GAP43: variants seen among roughly 807,000 people sequenced by gnomAD.
GAP43 encodes the protein growth associated protein 43, also known as neuromodulin.
In GAP43, 6 loss-of-function variants were observed where a neutral mutation model predicts 18.6. The observed-to-expected ratio is 0.32, with a 90% CI of 0.18 to 0.64. The LOEUF is 0.64. GAP43 is among the 30% of genes least tolerant of loss of function. GAP43 has a pLI of 0.78. For synonymous variants in GAP43, 115 were observed against 111.4 expected, an observed-to-expected ratio of 1.03 and a Z score of -0.20; for missense variants, 292 against 295.5, an observed-to-expected ratio of 0.99 and a Z score of 0.09.
At chr3:115,700,888 A>G (rs1359896050) in intron 2 of GAP43, among the ~76,000 whole-genome samples, 1 of 152,148 alleles carries the variant, frequency 6.6e-6, no homozygotes, top group Non-Finnish European at 1.5e-5. Flanking sequence ...TTTACTACTC[A>G]TTGAGAAATT....
chr3:115,673,750 G>C (rs749209302), intron 1 of GAP43, among the ~76,000 whole-genome samples: 4 of 152,180 alleles, frequency 2.6e-5, no homozygotes, highest in Non-Finnish European at 2.9e-5. Flanking sequence ...CAGCAGGTTA[G>C]CGAGAAGGTG....
At chr3:115,665,569 T>C (rs1708721835) in intron 1 of GAP43, among the ~76,000 whole-genome samples, 1 of 152,162 alleles carries the variant, frequency 6.6e-6, no homozygotes, top group Admixed American at 6.6e-5. Flanking sequence ...CTTCATAACC[T>C]ATAATGCATA....
intron 1 of GAP43, among the ~76,000 whole-genome samples, chr3:115,642,537 G>A (rs1004350172): frequency 1.3e-5 from 2 of 151,686 alleles, no homozygotes; most frequent in African/African-American, 4.8e-5. Flanking sequence ...TTAATCTCAG[G>A]TAGTATTTTC....
intron 1 of GAP43, chr3:115,661,124 TA>T (rs200506458): frequency 7.4e-5 from 11 of 148,728 alleles, no homozygotes; most frequent in East Asian, 3.9e-4. Context: ...CTCAGATTGT[TA>T]AAAAAAAAAC....
chr3:115,677,638 ATAAAGTTTC>A (rs926330855), intron 2 of GAP43, among the ~76,000 whole-genome samples: 1 of 152,164 alleles, frequency 6.6e-6, no homozygotes, highest in African/African-American at 2.4e-5. Flanking sequence ...ATCCTCAAAG[ATAAAGTTTC>A]TTCTGTGTCC....
At chr3:115,687,198 A>G (rs1392974602) in intron 2 of GAP43, among the ~76,000 whole-genome samples, 1 of 151,656 alleles carries the variant, frequency 6.6e-6, no homozygotes, top group Non-Finnish European at 1.5e-5. Flanking sequence ...TGCAAATTTC[A>G]GAAATTTCTC....
intron 1 of GAP43, among the ~76,000 whole-genome samples, chr3:115,663,337 A>T (rs1283155636): frequency 5.9e-5 from 9 of 152,222 alleles, no homozygotes; most frequent in Admixed American, 5.9e-4. Context: ...AAATCGCAGA[A>T]CCTTCTCTTT....
chr3:115,705,773 C>G (rs183560433), intron 2 of GAP43, among the ~76,000 whole-genome samples: 1 of 152,240 alleles, frequency 6.6e-6, no homozygotes, highest in East Asian at 1.9e-4. Context: ...TTAATTTTTC[C>G]TCACCTCTTA....
At chr3:115,691,938 A>G (rs926904924) in intron 2 of GAP43, among the ~76,000 whole-genome samples, 1 of 152,220 alleles carries the variant, frequency 6.6e-6, no homozygotes, top group Non-Finnish European at 1.5e-5. Context: ...ACCAGCTATA[A>G]CTTGTCACAT....
chr3:115,626,330 T>C (rs1367985629), intron 1 of GAP43, among the ~76,000 whole-genome samples: 1 of 152,174 alleles, frequency 6.6e-6, no homozygotes, highest in African/African-American at 2.4e-5. Context: ...GGCTTGCACT[T>C]CCTTCCTCTT....
chr3:115,632,475 A>G (rs548177228), intron 1 of GAP43, among the ~76,000 whole-genome samples: 1 of 152,302 alleles, frequency 6.6e-6, no homozygotes, highest in African/African-American at 2.4e-5. Flanking sequence ...TGAGCCCTCA[A>G]GATCTCCACA....
chr3:115,706,991 T>C (rs190145314), intron 2 of GAP43, among the ~76,000 whole-genome samples: 87 of 152,304 alleles, frequency 5.7e-4, no homozygotes, highest in Admixed American at 1.2e-3. Flanking sequence ...ATTTTACTTA[T>C]GAAGAAATGG....
At chr3:115,667,899 GGCT>G (rs1258587580) in intron 1 of GAP43, among the ~76,000 whole-genome samples, 1 of 152,158 alleles carries the variant, frequency 6.6e-6, no homozygotes, top group East Asian at 1.9e-4. Flanking sequence ...AGCTCACAGT[GGCT>G]GCTAAAGGCA....
At chr3:115,716,769 CAGAGAGAGAGAG>C (rs371857324) in intron 2 of GAP43, among the ~76,000 whole-genome samples, 1 of 54,680 alleles carries the variant, frequency 1.8e-5, no homozygotes, top group Non-Finnish European at 3.8e-5. Context: ...TATATATATA[CAGAGAGAGAGAG>C]AGAGAGAGAG....
intron 1 of GAP43, among the ~76,000 whole-genome samples, chr3:115,654,072 C>T (rs1046121681): frequency 2.0e-5 from 3 of 152,154 alleles, no homozygotes; most frequent in African/African-American, 7.2e-5. Flanking sequence ...CTGCCTTTTT[C>T]AAGGCTGAAA....
intron 1 of GAP43, among the ~76,000 whole-genome samples, chr3:115,624,652 GC>G (rs1384624715): frequency 6.6e-6 from 1 of 152,018 alleles, no homozygotes; most frequent in African/African-American, 2.4e-5. Context: ...CTCCCCCACT[GC>G]CCAGGTTTTA....
chr3:115,669,381 C>T (rs1343869417), intron 1 of GAP43, among the ~76,000 whole-genome samples: 1 of 152,104 alleles, frequency 6.6e-6, no homozygotes, highest in Admixed American at 6.5e-5. Flanking sequence ...CTGTCATCAT[C>T]TTTCTGAAAT....
chr3:115,669,069 TACACACACAC>T (rs151338962), intron 1 of GAP43, among the ~76,000 whole-genome samples: 2 of 145,472 alleles, frequency 1.4e-5, no homozygotes, highest in Non-Finnish European at 3.0e-5. Context: ...AAAGAAAAAG[TACACACACAC>T]ACACACACAC....
chr3:115,650,773 C>G (rs1023220280), intron 1 of GAP43, among the ~76,000 whole-genome samples: 1 of 151,950 alleles, frequency 6.6e-6, no homozygotes, highest in Non-Finnish European at 1.5e-5. Context: ...ATACTCTAGT[C>G]TTTTCTTACT....
Sources: allele counts gnomAD v4.1 joint callset (sites outside exome capture counted in the v4.1 genomes callset), GRCh38; gene constraint gnomAD v4.1.1; transcripts MANE v1.5; gene names NCBI Gene and HGNC (gene_info 2026-07-23, HGNC 2026-07-21).